The following OPCML variants were observed in gnomAD, a reference collection of about 807,000 sequenced individuals.
The protein encoded by OPCML is opioid-binding protein/cell adhesion molecule.
In OPCML, 13 loss-of-function variants were observed where a neutral mutation model predicts 37.8. The observed-to-expected ratio is 0.34, with a 90% CI of 0.22 to 0.55. OPCML has a LOEUF of 0.55. Among genes scored for constraint, OPCML ranks in the 20% least tolerant of loss-of-function variants. The pLI is 0.91. For missense variants in OPCML, 341 were observed against 435.6 expected, an observed-to-expected ratio of 0.78 and a Z score of 1.93; for synonymous variants, 176 against 168.8, an observed-to-expected ratio of 1.04 and a Z score of -0.33.
At chr11:132,887,315 G>A (rs1943462547) in intron 2 of OPCML, among the ~76,000 whole-genome samples, 1 of 152,184 alleles carries the variant, frequency 6.6e-6, no homozygotes. Context: ...ACTACACTCT[G>A]TGGTGTTCAC....
intron 3 of OPCML, among the ~76,000 whole-genome samples, chr11:132,569,405 A>C (rs2137553198): frequency 6.6e-6 from 1 of 152,318 alleles, no homozygotes; most frequent in Non-Finnish European, 1.5e-5. Flanking sequence ...GTGAGAAAAT[A>C]AATGTTTGTT....
chr11:133,063,965 T>C (rs1948395756), intron 1 of OPCML, among the ~76,000 whole-genome samples: 1 of 152,244 alleles, frequency 6.6e-6, no homozygotes, highest in Non-Finnish European at 1.5e-5. Flanking sequence ...CAGCCGGGAT[T>C]GATCACTTGA....
intron 3 of OPCML, among the ~76,000 whole-genome samples, chr11:132,563,415 C>A (rs927531953): frequency 6.6e-6 from 1 of 151,956 alleles, no homozygotes; most frequent in Non-Finnish European, 1.5e-5. Flanking sequence ...CCGAATGTCT[C>A]TGGGTTTGTT....
intron 4 of OPCML, among the ~76,000 whole-genome samples, chr11:132,518,061 T>TA (rs909207442): frequency 3.0e-4 from 46 of 152,326 alleles, no homozygotes; most frequent in African/African-American, 1.1e-3. Flanking sequence ...AAAACTTTTT[T>TA]AAAAAATTAT....
At chr11:133,145,474 G>A (rs1162801802) in intron 1 of OPCML, among the ~76,000 whole-genome samples, 1 of 152,194 alleles carries the variant, frequency 6.6e-6, no homozygotes, top group Non-Finnish European at 1.5e-5. Flanking sequence ...AGGAGTAGCA[G>A]TTGAGAAAAA....
chr11:133,336,071 A>G (rs1943737787), intron 1 of OPCML, among the ~76,000 whole-genome samples: 1 of 152,228 alleles, frequency 6.6e-6, no homozygotes, highest in South Asian at 2.1e-4. Context: ...AAATGGAATC[A>G]ATATCATTAA....
intron 2 of OPCML, among the ~76,000 whole-genome samples, chr11:132,790,843 C>A (rs1274053169): frequency 3.3e-5 from 5 of 152,162 alleles, no homozygotes; most frequent in African/African-American, 1.2e-4. Context: ...AGAGTAAGAA[C>A]AATATCATCC....
At chr11:133,532,140 C>A in intron 1 of OPCML, 124 bp downstream of exon 1, 1 of 1,460,402 alleles carries the variant, frequency 6.8e-7, no homozygotes. Context: ...CTTTCACTCA[C>A]ATGCATCTCA....
chr11:132,480,857 C>G lies in OPCML; in HGVS notation c.506-43498G>C, dbSNP rs189388883. 2.0e-4 allele frequency among the ~76,000 whole-genome samples: 31 copies of G among 151,992 alleles called. No homozygotes were observed. The East Asian group carries it at 5.6e-3, about 28-fold the overall frequency. On this transcript the variant is annotated intron_variant, in intron 4 of 7. Transcript: ENST00000524381. ...CACCACCAGCCCTGCCCTAAAAGAG[C>G]TCCTGAATGAAGCGCTAAACATGGA... is the stretch of plus-strand genomic sequence containing the variant.
chr11:132,621,365 A>T, intron 3 of OPCML, among the ~76,000 whole-genome samples: 1 of 152,238 alleles, frequency 6.6e-6, no homozygotes, highest in Non-Finnish European at 1.5e-5. Context: ...GTTCAGAGCA[A>T]TTTTATTCAA....
intron 2 of OPCML, among the ~76,000 whole-genome samples, chr11:132,785,408 C>T (rs148502263): frequency 1.3e-5 from 2 of 152,174 alleles, no homozygotes; most frequent in East Asian, 3.8e-4. Flanking sequence ...GCATTTTACC[C>T]TTATGAACTT....
intron 2 of OPCML, among the ~76,000 whole-genome samples, chr11:132,844,278 GA>G (rs756057605): frequency 2.0e-5 from 3 of 152,078 alleles, no homozygotes; most frequent in African/African-American, 4.8e-5. Context: ...GGTGATCCAA[GA>G]AAAAGGAGAA....
chr11:133,308,082 G>A (rs1445747822), intron 1 of OPCML, among the ~76,000 whole-genome samples: 2 of 152,070 alleles, frequency 1.3e-5, no homozygotes, highest in African/African-American at 2.4e-5. Context: ...TTGTCTTATG[G>A]GCTCAAGGGA....
intron 7 of OPCML, among the ~76,000 whole-genome samples, chr11:132,425,058 T>A (rs1392427831): frequency 6.6e-6 from 1 of 152,080 alleles, no homozygotes; most frequent in African/African-American, 2.4e-5. Context: ...GGGTAATGTG[T>A]CCATCCTGCA....
chr11:133,527,341 T>C (rs1352976972), intron 1 of OPCML, among the ~76,000 whole-genome samples: 1 of 152,244 alleles, frequency 6.6e-6, no homozygotes, highest in Admixed American at 6.5e-5. Flanking sequence ...TCAGAATGCA[T>C]ATTTTATTGG....
intron 1 of OPCML, among the ~76,000 whole-genome samples, chr11:133,326,753 T>C: frequency 8.9e-6 from 1 of 111,996 alleles, no homozygotes; most frequent in East Asian, 3.0e-4. Context: ...GAGGTGTAGG[T>C]GAGGGTGTGT....
At chr11:132,864,662 C>G (rs1332856613) in intron 2 of OPCML, among the ~76,000 whole-genome samples, 1 of 152,134 alleles carries the variant, frequency 6.6e-6, no homozygotes, top group African/African-American at 2.4e-5. Context: ...AAATCATGAC[C>G]ATGAAGCAGG....
At position 132,550,361 on chromosome 11, in the gene OPCML, T is replaced by G. The variant is rs112540036; in HGVS notation, c.380-21175A>C. On this transcript the variant is annotated intron_variant, in intron 3 of 7. Transcript: ENST00000524381. ...TAGTTTAGCGCCATTCCCTCGGTGC[T>G]GTCCTCATGATAGTGAGTGAGTTCT... Among the ~76,000 whole-genome samples, 1,079 of 152,268 alleles carry G rather than the reference T, an allele frequency of 7.1e-3. 19 individuals are homozygous for G. The highest frequency in any genetic ancestry group is 0.024 in the African/African-American group (1,004 of 41,552).
At chr11:132,757,981 T>C (rs915580279) in intron 2 of OPCML, among the ~76,000 whole-genome samples, 2 of 152,216 alleles carry the variant, frequency 1.3e-5, no homozygotes, top group Non-Finnish European at 2.9e-5. Context: ...TTGTATAAGG[T>C]ATAAAGAAGG....
Sources: allele counts gnomAD v4.1 joint callset (sites outside exome capture counted in the v4.1 genomes callset), GRCh38; gene constraint gnomAD v4.1.1; transcripts MANE v1.5; gene names NCBI Gene and HGNC (gene_info 2026-07-23, HGNC 2026-07-21).